EPS8: variants seen among roughly 807,000 people sequenced by gnomAD.
The protein encoded by EPS8 is EGFR pathway substrate 8, signaling adaptor.
EPS8 carries 42 observed loss-of-function variants against 103.8 expected under a neutral mutation model. That is an observed-to-expected ratio of 0.40 (90% confidence interval 0.32 to 0.52). The LOEUF (loss-of-function observed/expected upper bound fraction) is 0.52. EPS8 is among the 20% of genes least tolerant of loss of function. EPS8 has a pLI of 0.40. For synonymous variants in EPS8, 344 were observed against 344.6 expected (o/e 1.00, Z 0.02); for missense variants, 969 against 1,005.1 (o/e 0.96, Z 0.49).
chr12:15,744,303 C>T (rs1267297255), intron 1 of EPS8, among the ~76,000 whole-genome samples: 1 of 152,218 alleles, frequency 6.6e-6, no homozygotes, highest in Admixed American at 6.5e-5. Flanking sequence ...CTTCCTCTTT[C>T]ACCCTATGAG....
intron 15 of EPS8, among the ~76,000 whole-genome samples, chr12:15,646,714 A>G (rs1048029372): frequency 1.3e-5 from 2 of 152,224 alleles, no homozygotes; most frequent in Non-Finnish European, 2.9e-5. Context: ...CAGTTTAAAT[A>G]TATCTGTCTA....
intron 2 of EPS8, 26 bp downstream of exon 2, chr12:15,682,867 T>C (rs369439911): frequency 1.2e-4 from 146 of 1,195,030 alleles, no homozygotes; most frequent in Middle Eastern, 1.9e-4. Context: ...CCCCAAAACA[T>C]ATTAAATATA....
Position 15,749,031 on chromosome 12 carries a change from C to T in EPS8, c.-22+40130G>A, listed in dbSNP as rs929417437. ...AACTGATGCTAGAGAGAACTTAAGG[C>T]CCTTTTAACTATTTTTGTCAAGATC... On this transcript the variant is annotated intron_variant, in intron 1 of 20. Transcript: ENST00000281172. This position sits in a 1 kb window ranked among gnomAD's most constrained non-coding sequence, Gnocchi z 4.0. Among the ~76,000 whole-genome samples, 9 of 152,042 alleles carry T rather than the reference C, an allele frequency of 5.9e-5. No homozygotes were observed. The highest frequency in any genetic ancestry group is 5.2e-4 in the Admixed American group (8 of 15,264).
chr12:15,650,159 T>C (rs1945387343), intron 14 of EPS8, among the ~76,000 whole-genome samples: 1 of 152,342 alleles, frequency 6.6e-6, no homozygotes, highest in Middle Eastern at 3.4e-3. Flanking sequence ...TATTATTAAA[T>C]ACTTAAAAGA....
At chr12:15,637,950 G>A (rs956309829) in intron 17 of EPS8, among the ~76,000 whole-genome samples, 2 of 152,162 alleles carry the variant, frequency 1.3e-5, no homozygotes, top group Admixed American at 6.5e-5. Context: ...TACTCAATAT[G>A]TATTTGTGGA....
intron 17 of EPS8, 46 bp from the exon 18 acceptor site, chr12:15,631,710 C>T (rs1031497806): frequency 6.8e-7 from 1 of 1,462,864 alleles, no homozygotes; most frequent in Non-Finnish European, 9.2e-7. Context: ...AAATATAAAC[C>T]TAGGCTAGGA....
Position 15,725,141 on chromosome 12 carries a change from C to T in EPS8, c.-21-42169G>A. Among the ~76,000 whole-genome samples, 1 of 151,906 alleles carries T rather than the reference C, an allele frequency of 6.6e-6. No individual in the cohort carries two copies. Among genetic ancestry groups the T allele is most frequent in the East Asian group, 1.9e-4 (1 of 5,186 alleles). On this transcript the variant is annotated intron_variant, in intron 1 of 20. Transcript: ENST00000281172. This position sits in a 1 kb window ranked among gnomAD's most constrained non-coding sequence, Gnocchi z 4.5. ...GCATTCCAATAGGATACCACCAGTC[C>T]ACAGATCTGTGTCAATAAATCAGGA...
intron 8 of EPS8, among the ~76,000 whole-genome samples, chr12:15,663,950 T>TAATAA (rs375723916): frequency 6.5e-5 from 4 of 61,776 alleles, no homozygotes; most frequent in Admixed American, 2.3e-4. Context: ...AAAAAAATAA[T>TAATAA]ATATATATAT....
chr12:15,782,128 A>G (rs769193310), intron 1 of EPS8: 1 of 152,214 alleles, frequency 6.6e-6, no homozygotes, highest in Non-Finnish European at 1.5e-5. Context: ...TTTGAACTAC[A>G]TGGGTCCACT....
chr12:15,624,749 G>A (rs1037443470), intron 18 of EPS8, among the ~76,000 whole-genome samples: 1 of 152,120 alleles, frequency 6.6e-6, no homozygotes, highest in African/African-American at 2.4e-5. Context: ...ACCTTAACTT[G>A]GCTGTTAATG....
chr12:15,684,371 A>G lies in EPS8; in HGVS notation c.-21-1399T>C, dbSNP rs1358574709. 1 of 152,166 alleles carries G rather than the reference A, an allele frequency of 6.6e-6. No homozygotes were observed. The highest frequency in any genetic ancestry group is 1.5e-5 in the Non-Finnish European group (1 of 68,012). The allele number at this position is 152,166 out of a possible 1,614,324, so 9.4% of individuals were successfully genotyped here. A position where few individuals can be genotyped will look rare whatever the true frequency, so the allele number is the denominator to read the frequency against. ...GACAATTTTTCAAAGCATTTATCACATTCATAACTTTTCCTTTACTTAAAT... is the reference window on the plus strand; with the variant it reads ...GACAATTTTTCAAAGCATTTATCACGTTCATAACTTTTCCTTTACTTAAAT... On this transcript the variant is annotated intron_variant, in intron 1 of 20. Coordinates refer to ENST00000281172, the MANE Select transcript of EPS8 (RefSeq NM_004447.6). The surrounding 1 kb of genome is among the most constrained non-coding windows in gnomAD (Gnocchi z 4.9).
At chr12:15,724,533 A>G (rs1946632003) in intron 1 of EPS8, among the ~76,000 whole-genome samples, 1 of 152,138 alleles carries the variant, frequency 6.6e-6, no homozygotes, top group Non-Finnish European at 1.5e-5. Flanking sequence ...GTAAGTATGG[A>G]TATCACTTTA....
chr12:15,681,021 G>A (rs1054924574), intron 3 of EPS8, among the ~76,000 whole-genome samples: 1 of 152,058 alleles, frequency 6.6e-6, no homozygotes, highest in African/African-American at 2.4e-5. Flanking sequence ...CATTTCATCT[G>A]TAGTTCTAAA....
chr12:15,660,798 ACT>A, intron 9 of EPS8, 58 bp from the exon 10 acceptor site: 1 of 1,007,048 alleles, frequency 9.9e-7, no homozygotes, highest in Middle Eastern at 3.2e-4. Flanking sequence ...CCTTAGCTGT[ACT>A]CTGTTAGTAA....
intron 6 of EPS8, among the ~76,000 whole-genome samples, chr12:15,668,483 A>C (rs1306846047): frequency 6.6e-6 from 1 of 152,216 alleles, no homozygotes; most frequent in Non-Finnish European, 1.5e-5. Flanking sequence ...TTTTAAAGAA[A>C]ACAACTGAGG....
In EPS8 at chr12:15,620,795, T is replaced by C. The variant is rs1944850743; in HGVS notation, c.*522A>G. 6.6e-6 allele frequency: 1 copy of C among 151,908 alleles called. No homozygotes were observed. The highest frequency in any genetic ancestry group is 2.4e-5 in the African/African-American group (1 of 41,320). The allele number at this position is 151,908 out of a possible 1,614,324, so 9.4% of individuals were successfully genotyped here. A position where few individuals can be genotyped will look rare whatever the true frequency, so the allele number is the denominator to read the frequency against. ...TTTACAGTTCATTCAAATGTTTTAA[T>C]TTTTTTTTAAACTGTTGGCATTAAG... On this transcript the variant is annotated 3_prime_UTR_variant, in exon 21 of 21. Transcript: ENST00000281172.
intron 8 of EPS8, among the ~76,000 whole-genome samples, chr12:15,663,530 C>T (rs888268326): frequency 6.6e-6 from 1 of 152,078 alleles, no homozygotes; most frequent in Non-Finnish European, 1.5e-5. Flanking sequence ...GTTCTGAAAG[C>T]CTTATCTCAC....
At chr12:15,672,428 G>A in intron 3 of EPS8, 1 of 398,218 alleles carries the variant, frequency 2.5e-6, no homozygotes, top group Non-Finnish European at 4.4e-6. Context: ...AAAAACAGAT[G>A]CACTACAAAA....
At position 15,767,105 on chromosome 12, in the gene EPS8, TGGCAAATAGCACCTAAGAACAA is replaced by T. The variant is rs1401541108; in HGVS notation, c.-22+22034_-22+22055del. On this transcript the variant is annotated intron_variant, in intron 1 of 20. Transcript: ENST00000281172. This position sits in a 1 kb window ranked among gnomAD's most constrained non-coding sequence, Gnocchi z 5.5. ...CAGCAACTAACAATGTGTGTGGGCC[TGGCAAATAGCACCTAAGAACAA>T]GAGATTGCATGACTACTTCTAATAT... Among the ~76,000 whole-genome samples the T allele has an allele frequency of 6.6e-6, 1 of 152,200 alleles. No individual in the cohort carries two copies. Among genetic ancestry groups the T allele is most frequent in the Non-Finnish European group, 1.5e-5 (1 of 68,034 alleles).
Sources: allele counts gnomAD v4.1 joint callset (sites outside exome capture counted in the v4.1 genomes callset), GRCh38; gene constraint gnomAD v4.1.1; non-coding constraint Gnocchi (gnomAD v3.1); transcripts MANE v1.5; gene names NCBI Gene and HGNC (gene_info 2026-07-23, HGNC 2026-07-21).